CCDC93: variants seen among roughly 807,000 people sequenced by gnomAD.
CCDC93 encodes coiled-coil domain-containing protein 93.
A neutral mutation model predicts 108.2 loss-of-function variants in CCDC93; 61 were observed. The ratio of observed to expected loss-of-function variants is 0.56; its 90% CI spans 0.46 to 0.70. CCDC93 has a LOEUF of 0.70. CCDC93 is among the 30% of genes least tolerant of loss of function. The pLI is 0.00. For synonymous variants in CCDC93, 276 were observed against 260.4 expected, an observed-to-expected ratio of 1.06 and a Z score of -0.58; for missense variants, 685 against 764.2, an observed-to-expected ratio of 0.90 and a Z score of 1.22.
intron 3 of CCDC93, among the ~76,000 whole-genome samples, chr2:118,002,889 T>C (rs1397030964): frequency 6.6e-6 from 1 of 152,142 alleles, no homozygotes; most frequent in African/African-American, 2.4e-5. Flanking sequence ...AATTTAAAAA[T>C]TAGCCAGGCA....
At chr2:117,937,523 T>G (rs1457583445) in intron 20 of CCDC93, among the ~76,000 whole-genome samples, 3 of 152,206 alleles carry the variant, frequency 2.0e-5, no homozygotes, top group Non-Finnish European at 4.4e-5. Flanking sequence ...AATACCAAAT[T>G]TATTCAAATG....
At chr2:117,959,471 AAC>A (rs1679321913) in intron 11 of CCDC93, among the ~76,000 whole-genome samples, 1 of 152,242 alleles carries the variant, frequency 6.6e-6, no homozygotes, top group Non-Finnish European at 1.5e-5. Flanking sequence ...TGAATGTTTT[AAC>A]AGTGTCCTAG....
intron 7 of CCDC93, among the ~76,000 whole-genome samples, chr2:117,979,044 G>T (rs1468999493): frequency 6.6e-6 from 1 of 152,020 alleles, no homozygotes; most frequent in Non-Finnish European, 1.5e-5. Flanking sequence ...CAAGTTTAAG[G>T]CTACTCTGTG....
chr2:117,960,332 A>G (rs1445439022), intron 11 of CCDC93, among the ~76,000 whole-genome samples: 1 of 152,192 alleles, frequency 6.6e-6, no homozygotes, highest in Non-Finnish European at 1.5e-5. Flanking sequence ...AGGCTTCGAG[A>G]CTGAGACGTG....
chr2:117,993,100 A>C (rs996267550), intron 6 of CCDC93, among the ~76,000 whole-genome samples: 10 of 152,112 alleles, frequency 6.6e-5, no homozygotes, highest in African/African-American at 2.4e-4. Context: ...AAGCATTAAA[A>C]ATTTTTAATG....
At chr2:117,925,232 G>A (rs1181453940) in intron 23 of CCDC93, among the ~76,000 whole-genome samples, 1 of 152,134 alleles carries the variant, frequency 6.6e-6, no homozygotes. Flanking sequence ...AAAATAACCA[G>A]CTACCATCAT....
rs1677723603 is a variant in CCDC93, at chr2:117,917,513, C to T, written c.*2830G>A. On this transcript the variant is annotated 3_prime_UTR_variant, in exon 24 of 24. Coordinates refer to ENST00000376300, the MANE Select transcript of CCDC93 (RefSeq NM_019044.5). ...CCAGCTATCCTGAAAATATTAAGGG[C>T]TACGAGCTAGAACCATTAAAACCAT... The T allele has an allele frequency of 6.6e-6, 1 of 152,588 alleles. No homozygotes were observed. The highest frequency in any genetic ancestry group is 1.5e-5 in the Non-Finnish European group (1 of 68,044). 9.5% of individuals were successfully genotyped at this position (152,588 alleles called of 1,614,324 possible).
At chr2:117,950,098 G>T (rs3755496) in intron 13 of CCDC93, 79,752 of 985,260 alleles carry the variant, frequency 0.081, 3,435 homozygotes, top group East Asian at 0.14. Context: ...AGTTACTACC[G>T]GCTGATCTCA....
At chr2:117,984,529 A>G (rs941752298) in intron 7 of CCDC93, among the ~76,000 whole-genome samples, 5 of 152,342 alleles carry the variant, frequency 3.3e-5, no homozygotes, top group African/African-American at 9.6e-5. Flanking sequence ...TTTGAACCTG[A>G]GAATTTCAGA....
intron 1 of CCDC93, among the ~76,000 whole-genome samples, chr2:118,010,616 A>T (rs1213740732): frequency 6.6e-6 from 1 of 151,894 alleles, no homozygotes; most frequent in Non-Finnish European, 1.5e-5. Flanking sequence ...TGTTTTGCTC[A>T]TCCCTTCCTA....
At chr2:117,961,116 T>G (rs191495997) in intron 11 of CCDC93, among the ~76,000 whole-genome samples, 4,077 of 152,090 alleles carry the variant, frequency 0.027, 72 homozygotes, top group Non-Finnish European at 0.044. Context: ...GTCAATGGGG[T>G]GGGCTCACCA....
chr2:117,956,670 A>G (rs765122634), intron 12 of CCDC93, among the ~76,000 whole-genome samples: 1 of 152,180 alleles, frequency 6.6e-6, no homozygotes, highest in Non-Finnish European at 1.5e-5. Flanking sequence ...GTCTAAACAA[A>G]TAACTGAACA....
At position 117,995,472 on chromosome 2, in the gene CCDC93, C is replaced by T; in HGVS notation, c.493G>A (p.Ala165Thr). The T allele has an allele frequency of 6.2e-7, 1 of 1,613,588 alleles. No homozygotes were observed. The highest frequency in any genetic ancestry group is 8.5e-7 in the Non-Finnish European group (1 of 1,179,508). ...DDDFIKRKEK[A>T]IKTVVDLSEV... Reference sequence around the variant, plus strand: ...GAGAGGTCCACAACTGTCTTGATGGCCTTTTCTTTTCTCTTTATGAAGTCA... The same window carrying T: ...GAGAGGTCCACAACTGTCTTGATGGTCTTTTCTTTTCTCTTTATGAAGTCA... The change falls in exon 6 of 24, where the codon GCC (alanine) becomes ACC (threonine). Residue 165 changes from alanine (A) to threonine (T), a missense_variant. Ala to Thr is a moderately conservative substitution (Grantham distance 58, BLOSUM62 0). Coordinates refer to ENST00000376300, the MANE Select transcript of CCDC93 (RefSeq NM_019044.5).
At chr2:117,961,154 C>T (rs185452921) in intron 11 of CCDC93, among the ~76,000 whole-genome samples, 164 of 152,196 alleles carry the variant, frequency 1.1e-3, no homozygotes, top group Non-Finnish European at 1.8e-3. Flanking sequence ...TATGTAACAC[C>T]GAGAGGGAAA....
intron 11 of CCDC93, among the ~76,000 whole-genome samples, chr2:117,973,628 C>A (rs1573502685): frequency 6.6e-6 from 1 of 152,146 alleles, no homozygotes. Context: ...TCATCCCATA[C>A]CCTCAGGCAT....
chr2:118,004,178 G>C (rs951932435), intron 3 of CCDC93, among the ~76,000 whole-genome samples: 1 of 152,162 alleles, frequency 6.6e-6, no homozygotes, highest in African/African-American at 2.4e-5. Context: ...CATAAAACTA[G>C]GGATAATCCC....
chr2:117,973,979 T>C lies in CCDC93; in HGVS notation c.817A>G (p.Ser273Gly), dbSNP rs769537277. The change falls in exon 11 of 24, where the codon AGC becomes GGC. Residue 273 changes from serine to glycine, a missense_variant. Physicochemically the swap from Ser to Gly is moderately conservative, Grantham distance 56. Coordinates refer to ENST00000376300, the MANE Select transcript of CCDC93 (RefSeq NM_019044.5). ...MANEESRLTA[S>G]SVGQIVGLCS... Reference sequence around the variant, plus strand: ...AGTCCCACAATCTGGCCCACGGAGCTTGCGGTGAGACGGCTCTGCAAGTAT... The same window carrying C: ...AGTCCCACAATCTGGCCCACGGAGCCTGCGGTGAGACGGCTCTGCAAGTAT... 8 of 1,610,824 alleles carry C rather than the reference T, an allele frequency of 5.0e-6. No homozygotes were observed. In the South Asian group the frequency reaches 7.7e-5, roughly 16 times the overall value.
At chr2:117,982,759 G>T (rs1019062731) in intron 7 of CCDC93, among the ~76,000 whole-genome samples, 1 of 151,336 alleles carries the variant, frequency 6.6e-6, no homozygotes, top group African/African-American at 2.4e-5. Context: ...GTGTAGTGGG[G>T]GGGGGGGTGC....
chr2:117,988,256 T>C (rs1680377419), intron 6 of CCDC93, among the ~76,000 whole-genome samples: 1 of 152,178 alleles, frequency 6.6e-6, no homozygotes, highest in Non-Finnish European at 1.5e-5. Context: ...AGCTCTACTT[T>C]GCCTGTCTGG....
Sources: allele counts gnomAD v4.1 joint callset (sites outside exome capture counted in the v4.1 genomes callset), GRCh38; gene constraint gnomAD v4.1.1; transcripts MANE v1.5; gene names NCBI Gene and HGNC (gene_info 2026-07-23, HGNC 2026-07-21).